Variants in ALDH3A1 observed in about 807,000 individuals in gnomAD.
ALDH3A1 encodes the protein aldehyde dehydrogenase, dimeric NADP-preferring.
In ALDH3A1, 46 loss-of-function variants were observed where a neutral mutation model predicts 49.9. That is an observed-to-expected ratio of 0.92 (90% CI 0.73 to 1.18). The LOEUF is 1.18. ALDH3A1 is among the 50% of genes most tolerant of loss of function. The pLI, the probability that ALDH3A1 is intolerant of heterozygous loss-of-function variation, is 0.00. For synonymous variants in ALDH3A1, 269 were observed against 253.3 expected (o/e 1.06, Z -0.59); for missense variants, 592 against 611.8 (o/e 0.97, Z 0.34).
intron 2 of ALDH3A1, chr17:19,744,108 C>T (rs2086554359): frequency 1.0e-6 from 1 of 985,228 alleles, no homozygotes; most frequent in Admixed American, 6.2e-5. Flanking sequence ...TTGAAAAGTG[C>T]AGTAGCAGGC....
intron 2 of ALDH3A1, 57 bp downstream of exon 2, chr17:19,744,911 C>CACCCCCCCT: frequency 9.0e-7 from 1 of 1,112,686 alleles, no homozygotes; most frequent in Non-Finnish European, 1.2e-6. Context: ...GCCCCTCCCC[C>CACCCCCCCT]CACGCCCCAT....
rs952961156 is a variant in ALDH3A1, at chr17:19,743,583, G to A, written c.163-120C>T. ...GGGGTCACTCACCCAGCCCAGGGTGGGGGCAGCCGCAGAAGGCTCCCAGGG... is the reference window on the plus strand; with the variant it reads ...GGGGTCACTCACCCAGCCCAGGGTGAGGGCAGCCGCAGAAGGCTCCCAGGG... On this transcript the variant is annotated intron_variant, in intron 2 of 10. Coordinates refer to ENST00000225740, the MANE Select transcript of ALDH3A1 (RefSeq NM_000691.5). This position sits in a 1 kb window ranked among gnomAD's most constrained non-coding sequence, Gnocchi z 4.4. 5 of 1,470,680 alleles carry A rather than the reference G, an allele frequency of 3.4e-6. No individual in the cohort carries two copies. The highest frequency in any genetic ancestry group is 4.5e-6 in the Non-Finnish European group (5 of 1,116,372). 91.1% of individuals were successfully genotyped at this position (1,470,680 alleles called of 1,614,324 possible). A position where few individuals can be genotyped will look rare whatever the true frequency, so the allele number is the denominator to read the frequency against.
At position 19,745,103 on chromosome 17, in the gene ALDH3A1, CT is replaced by C. The variant is rs754226704; in HGVS notation, c.26del (p.Lys9SerfsTer28). ...CCGAGCTGAAGGCGGCGCGGGCGCGCTTCACGGCCTCGCTGATCTTGCTCAT... is the reference window on the plus strand; with the variant it reads ...CCGAGCTGAAGGCGGCGCGGGCGCGCTCACGGCCTCGCTGATCTTGCTCAT... MSKISEAV[K>X]RARAAFSSGR... On this transcript the variant is annotated frameshift_variant, in exon 2 of 11. Transcript: ENST00000225740. LOFTEE classifies it high-confidence loss of function. The C allele has an allele frequency of 1.3e-6, 2 of 1,587,594 alleles. No individual in the cohort carries two copies. Among genetic ancestry groups the C allele is most frequent in the East Asian group, 4.5e-5 (2 of 43,988 alleles).
Position 19,743,503 on chromosome 17 carries a change from C to A in ALDH3A1, c.163-40G>T, listed in dbSNP as rs2086541948. 1.3e-6 allele frequency: 2 copies of A among 1,550,512 alleles called. No homozygotes were observed. The highest frequency in any genetic ancestry group is 1.4e-5 in the African/African-American group (1 of 73,360). On this transcript the variant is annotated intron_variant, in intron 2 of 10. Coordinates refer to ENST00000225740, the MANE Select transcript of ALDH3A1 (RefSeq NM_000691.5). The surrounding 1 kb of genome is among the most constrained non-coding windows in gnomAD (Gnocchi z 4.4). The stretch of plus-strand genomic sequence containing the variant: ...CCGGAGTGAGCTTCCAGGGCCAGGG[C>A]CCGCCTGCAGCTGGGGCGAGTGGGG...
chr17:19,743,470 C>A lies in ALDH3A1; in HGVS notation c.163-7G>T, dbSNP rs376168688. ...AGTAGGCGTTCCATTCATTCTGCAG[C>A]GACAGAGCCGGAGTGAGCTTCCAGG... On this transcript the variant is annotated splice_region_variant and splice_polypyrimidine_tract_variant and intron_variant, in intron 2 of 10. Coordinates refer to ENST00000225740, the MANE Select transcript of ALDH3A1 (RefSeq NM_000691.5). The surrounding 1 kb of genome is among the most constrained non-coding windows in gnomAD (Gnocchi z 4.4). 2 of 1,584,798 alleles carry A rather than the reference C, an allele frequency of 1.3e-6. No homozygotes were observed. Among genetic ancestry groups the A allele is most frequent in the South Asian group, 1.2e-5 (1 of 86,500 alleles).
At chr17:19,741,581 C>T (rs1177598231) in intron 5 of ALDH3A1, among the ~76,000 whole-genome samples, 7 of 152,172 alleles carry the variant, frequency 4.6e-5, no homozygotes, top group East Asian at 3.9e-4. Context: ...GGTGCAGATA[C>T]GGGTTCTGCC....
chr17:19,740,229 T>A, intron 7 of ALDH3A1, 107 bp downstream of exon 7: 1 of 1,489,560 alleles, frequency 6.7e-7, no homozygotes, highest in Non-Finnish European at 9.1e-7. Flanking sequence ...TTTATACCCA[T>A]CCCGAGGTCG....
At chr17:19,746,104 G>A (rs893512053) in intron 1 of ALDH3A1, among the ~76,000 whole-genome samples, 1 of 152,242 alleles carries the variant, frequency 6.6e-6, no homozygotes, top group Non-Finnish European at 1.5e-5. Flanking sequence ...CAGGTTACAG[G>A]CCGGGCGCGG....
chr17:19,746,671 GTGTGTGCA>G (rs2152376609), intron 1 of ALDH3A1, among the ~76,000 whole-genome samples: 1 of 148,374 alleles, frequency 6.7e-6, no homozygotes, highest in Non-Finnish European at 1.5e-5. Context: ...GTGTGTGCGT[GTGTGTGCA>G]TGTGCGTGTG....
At position 19,743,548 on chromosome 17, in the gene ALDH3A1, C is replaced by A. The variant is rs1163044789; in HGVS notation, c.163-85G>T. Reference sequence around the variant, plus strand: ...GTGGGGAGCCCCACTGCTCAGCTGCCAGGGTGATGGGGGTCACTCACCCAG... The same window carrying A: ...GTGGGGAGCCCCACTGCTCAGCTGCAAGGGTGATGGGGGTCACTCACCCAG... On this transcript the variant is annotated intron_variant, in intron 2 of 10. Coordinates refer to ENST00000225740, the MANE Select transcript of ALDH3A1 (RefSeq NM_000691.5). The surrounding 1 kb of genome is among the most constrained non-coding windows in gnomAD (Gnocchi z 4.4). The A allele has an allele frequency of 1.2e-5, 18 of 1,506,972 alleles. No individual in the cohort carries two copies. Among genetic ancestry groups the A allele is most frequent in the Non-Finnish European group, 1.6e-5 (18 of 1,131,214 alleles). The allele number at this position is 1,506,972 out of a possible 1,614,324, so 93.4% of individuals were successfully genotyped here.
At chr17:19,740,599 C>G (rs2086474812) in intron 6 of ALDH3A1, 122 bp from the exon 7 acceptor site, 2 of 1,091,832 alleles carry the variant, frequency 1.8e-6, no homozygotes, top group Admixed American at 4.7e-5. Context: ...GAGCTTTTTT[C>G]TTCTTTATGC....
Position 19,742,619 on chromosome 17 carries a change from C to T in ALDH3A1, c.406G>A (p.Val136Ile), listed in dbSNP as rs2086518214. 2 of 1,613,892 alleles carry T rather than the reference C, an allele frequency of 1.2e-6. No individual in the cohort carries two copies. The highest frequency in any genetic ancestry group is 2.7e-5 in the African/African-American group (2 of 74,924). The change falls in exon 4 of 11, where the codon GTC becomes ATC. Residue 136 changes from valine (V) to isoleucine (I), a missense_variant. Coordinates refer to ENST00000225740, the MANE Select transcript of ALDH3A1 (RefSeq NM_000691.5). The part of the protein sequence containing the change: ...VGAIAAGNSV[V>I]LKPSELSENM... ...TCACTCAGCTCCGAGGGCTTGAGGA[C>T]CACTGAGTTCCCTGCAGAGCACACC...
rs138305312 is a variant in ALDH3A1, at chr17:19,739,597, C to T, written c.1027G>A (p.Val343Met). 4.5e-4 allele frequency: 733 copies of T among 1,613,960 alleles called. No individual in the cohort carries two copies. Among genetic ancestry groups the T allele is most frequent in the Non-Finnish European group, 5.8e-4 (688 of 1,179,976 alleles). ...GCCTCCTCCAGGCTGCGCACGCACA[C>T]GATGGGCAGCACAGGCCCGAAGATC... ...EEIFGPVLPI[V>M]CVRSLEEAIQ... Residue 343 changes from valine (V) to methionine (M), a missense_variant, in exon 8 of 11, where the codon GTG (valine) becomes ATG (methionine). Physicochemically the swap from Val to Met is conservative, Grantham distance 21. Transcript: ENST00000225740.
At position 19,743,828 on chromosome 17, in the gene ALDH3A1, G is replaced by A. The variant is rs911533311; in HGVS notation, c.163-365C>T. On this transcript the variant is annotated intron_variant, in intron 2 of 10. Transcript: ENST00000225740. The surrounding 1 kb of genome is among the most constrained non-coding windows in gnomAD (Gnocchi z 4.4). The stretch of plus-strand genomic sequence containing the variant: ...GGGGAGGGGGGGATGGATCCGGGGA[G>A]GGGGGATAGATTCGGGCACTGGGAG... 4 of 981,250 alleles carry A rather than the reference G, an allele frequency of 4.1e-6. No individual in the cohort carries two copies. Among genetic ancestry groups the A allele is most frequent in the South Asian group, 4.7e-5 (1 of 21,098 alleles). 60.8% of individuals were successfully genotyped at this position (981,250 alleles called of 1,614,324 possible).
In ALDH3A1 at chr17:19,741,207, G is replaced by A. The variant is rs780058736; in HGVS notation, c.693C>T (p.Arg231=). Reference sequence around the variant, plus strand: ...TGTTCATGAATTTCCCCCAGGCGATGCGTCTGTGAGAATCCCAGACTGGAC... The same window carrying A: ...TGTTCATGAATTTCCCCCAGGCGATACGTCTGTGAGAATCCCAGACTGGAC... ...KNCDLDVACR[R]IAWGKFMNSG... is the part of the protein sequence containing the mutation. The change falls in exon 6 of 11, where the codon CGC becomes CGT. Residue 231 remains arginine (R), a synonymous_variant. Coordinates refer to ENST00000225740, the MANE Select transcript of ALDH3A1 (RefSeq NM_000691.5). The A allele has an allele frequency of 3.4e-5, 55 of 1,613,276 alleles. No homozygotes were observed. Among genetic ancestry groups the A allele is most frequent in the Non-Finnish European group, 4.4e-5 (52 of 1,179,516 alleles).
In ALDH3A1 at chr17:19,742,584, C is replaced by T. The variant is rs143498365; in HGVS notation, c.441G>A (p.Ala147=). 1.8e-5 allele frequency: 29 copies of T among 1,613,864 alleles called. No homozygotes were observed. Among genetic ancestry groups the T allele is most frequent in the Admixed American group, 3.3e-5 (2 of 59,998 alleles). Residue 147 remains alanine (A), a synonymous_variant, in exon 4 of 11, where the codon GCG becomes GCA. Transcript: ENST00000225740. ...GGGGGATGATGGTAGCCAGCAGGCT[C>T]GCCATGTTCTCACTCAGCTCCGAGG... ...LKPSELSENM[A]SLLATIIPQY...
intron 1 of ALDH3A1, among the ~76,000 whole-genome samples, chr17:19,746,644 C>CAT (rs1555547102): frequency 2.1e-5 from 3 of 143,926 alleles, no homozygotes; most frequent in African/African-American, 5.4e-5. Context: ...TGTGCGTGTG[C>CAT]GTGTGTGTGC....
rs771318428 is a variant in ALDH3A1 at position 19,739,490 on chromosome 17, C to T, written c.1116+18G>A. ...GCCCCAGGACCCTGGCAGAGGGCAC[C>T]CCAGGCCCACCACCCACCTTGTCGT... On this transcript the variant is annotated intron_variant, in intron 8 of 10. Coordinates refer to ENST00000225740, the MANE Select transcript of ALDH3A1 (RefSeq NM_000691.5). 13 of 1,600,558 alleles carry T rather than the reference C, an allele frequency of 8.1e-6. No individual in the cohort carries two copies. In the Admixed American group the frequency reaches 2.3e-4, roughly 28 times the overall value.
In ALDH3A1 at chr17:19,739,991, G is replaced by T. The variant is rs575647405; in HGVS notation, c.950-317C>A. On this transcript the variant is annotated intron_variant, in intron 7 of 10. Transcript: ENST00000225740. The stretch of plus-strand genomic sequence containing the variant: ...CTCCTTGACAAACTCGGGGCCAAGA[G>T]GGTCCCATCTGGTGACCCACAGCCT... Among the ~76,000 whole-genome samples, 5 of 152,338 alleles carry T rather than the reference G, an allele frequency of 3.3e-5. No homozygotes were observed. In the East Asian group the frequency reaches 9.7e-4, roughly 29 times the overall value.
Sources: allele counts gnomAD v4.1 joint callset (sites outside exome capture counted in the v4.1 genomes callset), GRCh38; gene constraint gnomAD v4.1.1; non-coding constraint Gnocchi (gnomAD v3.1); transcripts MANE v1.5; gene names NCBI Gene and HGNC (gene_info 2026-07-23, HGNC 2026-07-21).